COL6A5: variants seen among roughly 807,000 people sequenced by gnomAD.
COL6A5 encodes the protein collagen alpha-5(VI) chain.
Under a neutral mutation model 65.6 loss-of-function variants are expected in COL6A5, and 48 were observed. The ratio of observed to expected loss-of-function variants is 0.73; its 90% confidence interval spans 0.58 to 0.93. The LOEUF is 0.93. Ranked by LOEUF, COL6A5 falls within the 40% of genes least tolerant of loss-of-function variation. COL6A5 has a pLI of 0.00. For missense variants in COL6A5, 914 were observed against 928.3 expected (o/e 0.98, Z 0.20); for synonymous variants, 291 against 322.8 (o/e 0.90, Z 1.05).
chr3:130,447,827 T>C (rs916691638), intron 4 of COL6A5, among the ~76,000 whole-genome samples: 1 of 43,060 alleles, frequency 2.3e-5, no homozygotes, highest in Non-Finnish European at 1.1e-4. Context: ...GTAGGACCCA[T>C]ATAACGGCAT....
At chr3:130,427,720 G>C (rs1937634897), upstream of COL6A5, among the ~76,000 whole-genome samples, 1 of 152,096 alleles carries the variant, frequency 6.6e-6, no homozygotes, top group Non-Finnish European at 1.5e-5. Flanking sequence ...TGTAAAATTA[G>C]AGAGTCAGAA....
At chr3:130,402,536 T>A (rs1201371432) in intron 12 of COL6A5, among the ~76,000 whole-genome samples, 2 of 152,204 alleles carry the variant, frequency 1.3e-5, no homozygotes, top group Non-Finnish European at 2.9e-5. Context: ...AGAATGCATG[T>A]GGTAAAATTC....
rs199793896 is a variant in COL6A5 at position 130,461,190 on chromosome 3, G to A, written c.1544+5524G>A. The stretch of plus-strand genomic sequence containing the variant: ...CTTCAAGAAGCTTTTCGTCTGTCAG[G>A]TATATTCTGTGTGTATAAAAAATGA... On this transcript the variant is annotated intron_variant, in intron 5 of 7. Transcript: ENST00000512836. Among the ~76,000 whole-genome samples the A allele has an allele frequency of 2.0e-5, 3 of 151,958 alleles. No homozygotes were observed. In the East Asian group the frequency reaches 5.8e-4, roughly 29 times the overall value.
chr3:130,406,864 C>T (rs1021546504), intron 17 of COL6A5, among the ~76,000 whole-genome samples: 1 of 152,136 alleles, frequency 6.6e-6, no homozygotes, highest in Admixed American at 6.5e-5. Flanking sequence ...TGTCATTTGA[C>T]AGGTTTGTCA....
intron 5 of COL6A5, among the ~76,000 whole-genome samples, chr3:130,466,332 A>G (rs1266477790): frequency 6.6e-6 from 1 of 152,002 alleles, no homozygotes; most frequent in East Asian, 1.9e-4. Flanking sequence ...AAAACTCCCT[A>G]AGTATTTGGA....
intron 1 of COL6A5, among the ~76,000 whole-genome samples, chr3:130,354,447 G>A (rs893435218): frequency 2.6e-5 from 4 of 152,078 alleles, no homozygotes; most frequent in Admixed American, 2.6e-4. Context: ...ACCCCACTAC[G>A]TAGAACCCAA....
At chr3:130,473,747 A>C (rs1710018179) in intron 7 of COL6A5, among the ~76,000 whole-genome samples, 2 of 152,236 alleles carry the variant, frequency 1.3e-5, no homozygotes, top group East Asian at 3.9e-4. Flanking sequence ...TAGTAATAAT[A>C]TGAACCTGTG....
intron 5 of COL6A5, among the ~76,000 whole-genome samples, chr3:130,458,013 A>G (rs1386891831): frequency 1.3e-5 from 2 of 152,146 alleles, no homozygotes; most frequent in Non-Finnish European, 2.9e-5. Context: ...AAAGTCAGGA[A>G]TCTTAACCAT....
exon 6 of COL6A5, chr3:130,468,842 C>G (rs765782001): frequency 5.6e-6 from 9 of 1,611,028 alleles, no homozygotes; most frequent in African/African-American, 1.3e-5. Context: ...TACTTATGAA[C>G]CTGGAGATGT....
Position 130,418,267 on chromosome 3 carries a change from G to A in COL6A5, c.4888-602G>A, listed in dbSNP as rs369335607. Reference sequence around the variant, plus strand: ...GTTTCACTGCTTACCTCCCTCCTGCGTGCCTGCCTCAGGCCTCTCACTAAT... The same window carrying A: ...GTTTCACTGCTTACCTCCCTCCTGCATGCCTGCCTCAGGCCTCTCACTAAT... On this transcript the variant is annotated intron_variant and NMD_transcript_variant, in intron 24 of 41. Coordinates refer to the COL6A5 transcript ENST00000312481. Among the ~76,000 whole-genome samples the A allele has an allele frequency of 1.7e-3, 260 of 152,032 alleles. 2 individuals carry two copies. Among genetic ancestry groups the A allele is most frequent in the South Asian group, 9.1e-3 (44 of 4,810 alleles).
chr3:130,364,879 T>C lies in COL6A5; in HGVS notation c.-28-8732T>C, dbSNP rs4340747. ...TTCTGGTCAGGATTCTTTTTGCTCA[T>C]GTATTAGTAAAACCCAACCCAAACT... On this transcript the variant is annotated intron_variant and NMD_transcript_variant, in intron 1 of 41. Coordinates refer to the COL6A5 transcript ENST00000312481. 5.1e-3 allele frequency among the ~76,000 whole-genome samples: 780 copies of C among 152,328 alleles called. 14 individuals are homozygous for C. The highest frequency in any genetic ancestry group is 0.05 in the East Asian group (258 of 5,178).
chr3:130,466,903 A>G (rs1197640118), intron 5 of COL6A5, among the ~76,000 whole-genome samples: 2 of 152,010 alleles, frequency 1.3e-5, no homozygotes, highest in Admixed American at 1.3e-4. Flanking sequence ...TTACTCAAGA[A>G]GAAATAACCT....
chr3:130,355,269 A>T (rs193286822), intron 1 of COL6A5, among the ~76,000 whole-genome samples: 1 of 152,224 alleles, frequency 6.6e-6, no homozygotes, highest in Admixed American at 6.5e-5. Flanking sequence ...ACAAAGCAAG[A>T]ATTACACTTC....
intron 28 of COL6A5, 51 bp downstream of exon 28, chr3:130,422,833 G>A: frequency 8.6e-7 from 1 of 1,167,382 alleles, no homozygotes; most frequent in Non-Finnish European, 1.2e-6. Flanking sequence ...GGCAGACTTT[G>A]GCTTTTATGT....
intron 1 of COL6A5, among the ~76,000 whole-genome samples, chr3:130,359,026 A>G (rs1205822693): frequency 6.6e-6 from 1 of 152,214 alleles, no homozygotes; most frequent in African/African-American, 2.4e-5. Context: ...AAAAATAGTC[A>G]ACAATGAGTA....
intron 4 of COL6A5, among the ~76,000 whole-genome samples, chr3:130,382,371 T>G (rs1369611317): frequency 3.9e-5 from 6 of 152,148 alleles, no homozygotes; most frequent in Non-Finnish European, 8.8e-5. Flanking sequence ...CCTACAGATA[T>G]AGCATTTGCT....
intron 1 of COL6A5, among the ~76,000 whole-genome samples, chr3:130,347,465 T>C (rs1934529484): frequency 6.6e-6 from 1 of 152,092 alleles, no homozygotes; most frequent in African/African-American, 2.4e-5. Context: ...GAAATGTCAG[T>C]AAAATTGGGA....
Position 130,437,029 on chromosome 3 carries a change from A to G in COL6A5, c.488-2493A>G, listed in dbSNP as rs57092287. The stretch of plus-strand genomic sequence containing the variant: ...AACCACATCTAAAATGAAGCTTCTA[A>G]TTTTTTCCCAAAACTTGTACAACGT... On this transcript the variant is annotated intron_variant, in intron 1 of 7. Coordinates refer to ENST00000512836, the Ensembl canonical transcript of COL6A5. 4.3e-3 allele frequency among the ~76,000 whole-genome samples: 652 copies of G among 152,090 alleles called. 10 individuals are homozygous for G. Among genetic ancestry groups the G allele is most frequent in the African/African-American group, 0.015 (609 of 41,490 alleles).
At chr3:130,345,745 G>C (rs1934437492) in exon 1 of COL6A5, 1 of 398,600 alleles carries the variant, frequency 2.5e-6, no homozygotes, top group South Asian at 1.3e-4. Flanking sequence ...GTCAGCGCCG[G>C]CTTAAAAGAC....
Sources: allele counts gnomAD v4.1 joint callset (sites outside exome capture counted in the v4.1 genomes callset), GRCh38; gene constraint gnomAD v4.1.1; transcripts MANE v1.5; gene names NCBI Gene and HGNC (gene_info 2026-07-23, HGNC 2026-07-21).